TTC7B: variants seen among roughly 807,000 people sequenced by gnomAD.
The protein encoded by TTC7B is tetratricopeptide repeat domain 7B.
A neutral mutation model predicts 106.8 loss-of-function variants in TTC7B; 28 were observed. The observed-to-expected ratio is 0.26, with a 90% confidence interval of 0.19 to 0.36. TTC7B has a LOEUF of 0.36. Ranked by LOEUF, TTC7B falls within the 10% of genes least tolerant of loss-of-function variation. The pLI, the probability that TTC7B is intolerant of heterozygous loss-of-function variation, is 1.00. For synonymous variants in TTC7B, 405 were observed against 430.6 expected (o/e 0.94, Z 0.74); for missense variants, 862 against 1,076.4 (o/e 0.80, Z 2.79).
rs2030568271 is a variant in TTC7B at position 90,805,767 on chromosome 14, G to A, written c.121+10408C>T. Among the ~76,000 whole-genome samples the A allele has an allele frequency of 6.6e-6, 1 of 152,176 alleles. No individual in the cohort carries two copies. Among genetic ancestry groups the A allele is most frequent in the Non-Finnish European group, 1.5e-5 (1 of 68,030 alleles). ...GAGACTCTCATCAAAGAGATATGGG[G>A]AATTAGCCGCCCTGCAGGGGGTCCG... On this transcript the variant is annotated intron_variant, in intron 1 of 19. Coordinates refer to ENST00000328459, the MANE Select transcript of TTC7B (RefSeq NM_001010854.2). This position sits in a 1 kb window ranked among gnomAD's most constrained non-coding sequence, Gnocchi z 4.0.
chr14:90,773,495 G>A lies in TTC7B; in HGVS notation c.445+7243C>T, dbSNP rs138984780. Reference sequence around the variant, plus strand: ...TGAAAAGCAGCCTCTTAACCCCTCCGCAGGGAACGATAATACTAGGGTCCG... The same window carrying A: ...TGAAAAGCAGCCTCTTAACCCCTCCACAGGGAACGATAATACTAGGGTCCG... On this transcript the variant is annotated intron_variant, in intron 3 of 19. Transcript: ENST00000328459. 1.0e-3 allele frequency among the ~76,000 whole-genome samples: 152 copies of A among 152,178 alleles called. 1 individual carries two copies. Among genetic ancestry groups the A allele is most frequent in the African/African-American group, 3.3e-3 (136 of 41,506 alleles).
intron 7 of TTC7B, among the ~76,000 whole-genome samples, chr14:90,681,913 G>C (rs1285774775): frequency 3.3e-5 from 5 of 151,998 alleles, no homozygotes; most frequent in Admixed American, 6.5e-5. Context: ...GCATGTACAT[G>C]CACACTCGTG....
chr14:90,531,397 CTG>C lies in TTC7B; in HGVS notation c.*9969_*9970del, dbSNP rs1889279297. 6.6e-6 allele frequency: 1 copy of C among 151,820 alleles called. No individual in the cohort carries two copies. The highest frequency in any genetic ancestry group is 2.1e-4 in the South Asian group (1 of 4,810). The allele number at this position is 151,820 out of a possible 1,614,324, so 9.4% of individuals were successfully genotyped here. On this transcript the variant is annotated 3_prime_UTR_variant, in exon 20 of 20. Transcript: ENST00000328459. ...CCAGCCTGACCTACATGGTGAAACT[CTG>C]TCTCTACTAAGCACAAAAAATCAAA...
chr14:90,655,870 A>T (rs745468), intron 11 of TTC7B, among the ~76,000 whole-genome samples: 116,324 of 151,164 alleles, frequency 0.77, 44,923 homozygotes, highest in South Asian at 0.81. Context: ...TATTTTTTTT[A>T]AAAAAAAGAG....
intron 19 of TTC7B, among the ~76,000 whole-genome samples, chr14:90,565,354 C>T (rs1162013404): frequency 6.6e-6 from 1 of 150,598 alleles, no homozygotes; most frequent in African/African-American, 2.4e-5. Context: ...TCTGGCCTGT[C>T]TCAGCTTTTG....
chr14:90,707,467 G>A (rs1214349458), intron 5 of TTC7B, among the ~76,000 whole-genome samples: 1 of 152,206 alleles, frequency 6.6e-6, no homozygotes, highest in East Asian at 1.9e-4. Flanking sequence ...AAATAATTAA[G>A]ATTAGTGAGG....
At chr14:90,789,662 C>T (rs1418202405) in intron 1 of TTC7B, among the ~76,000 whole-genome samples, 1 of 151,756 alleles carries the variant, frequency 6.6e-6, no homozygotes, top group Non-Finnish European at 1.5e-5. Flanking sequence ...TTTAGGAGGC[C>T]AGGGCAGGTG....
At chr14:90,593,177 C>T (rs189576729) in intron 18 of TTC7B, among the ~76,000 whole-genome samples, 154 of 152,358 alleles carry the variant, frequency 1.0e-3, no homozygotes, top group African/African-American at 3.6e-3. Context: ...GTCTCTACAG[C>T]ACAGACCCTG....
chr14:90,627,652 T>G (rs778368078), intron 15 of TTC7B, among the ~76,000 whole-genome samples: 1 of 152,200 alleles, frequency 6.6e-6, no homozygotes, highest in Non-Finnish European at 1.5e-5. Flanking sequence ...CTCTTCTTTA[T>G]GACAGGCAGG....
rs941667126 is a variant in TTC7B, at chr14:90,742,803, A to G, written c.576+1989T>C. ...ACTGAATGGGGTGTTGTGAGTGAAC[A>G]TAACAGAAGTGTATTCAGATCTACC... On this transcript the variant is annotated intron_variant, in intron 4 of 19. Transcript: ENST00000328459. This position sits in a 1 kb window ranked among gnomAD's most constrained non-coding sequence, Gnocchi z 4.1. Among the ~76,000 whole-genome samples the G allele has an allele frequency of 3.3e-5, 5 of 152,238 alleles. No individual in the cohort carries two copies. The highest frequency in any genetic ancestry group is 4.8e-5 in the African/African-American group (2 of 41,464).
chr14:90,684,382 C>T (rs1285140789), intron 7 of TTC7B, among the ~76,000 whole-genome samples: 1 of 151,958 alleles, frequency 6.6e-6, no homozygotes, highest in Non-Finnish European at 1.5e-5. Context: ...TATATATATA[C>T]ACATTAAGAA....
chr14:90,566,252 G>A (rs1051505845), intron 19 of TTC7B, among the ~76,000 whole-genome samples: 1 of 151,974 alleles, frequency 6.6e-6, no homozygotes, highest in Non-Finnish European at 1.5e-5. Flanking sequence ...GCTGAGGCAG[G>A]AGAATCGCTT....
chr14:90,688,601 GA>G (rs1887339107), intron 7 of TTC7B, among the ~76,000 whole-genome samples: 1 of 121,346 alleles, frequency 8.2e-6, no homozygotes, highest in African/African-American at 3.3e-5. Flanking sequence ...CCAGCCTGGT[GA>G]CAGAGAGAGG....
At chr14:90,677,669 G>A (rs922168337) in intron 8 of TTC7B, among the ~76,000 whole-genome samples, 1 of 152,144 alleles carries the variant, frequency 6.6e-6, no homozygotes, top group African/African-American at 2.4e-5. Flanking sequence ...ATGAGGTTCC[G>A]GGGTCACTTG....
intron 15 of TTC7B, among the ~76,000 whole-genome samples, chr14:90,623,294 C>T (rs895853112): frequency 2.6e-5 from 4 of 152,110 alleles, no homozygotes; most frequent in Admixed American, 6.5e-5. Flanking sequence ...AGATTCTTAA[C>T]GACAACCCTG....
At chr14:90,607,628 A>G (rs1034616914) in intron 17 of TTC7B, among the ~76,000 whole-genome samples, 2 of 152,202 alleles carry the variant, frequency 1.3e-5, no homozygotes, top group African/African-American at 4.8e-5. Context: ...TTAGCACATG[A>G]ACTGAAAACT....
intron 17 of TTC7B, among the ~76,000 whole-genome samples, chr14:90,601,348 T>C (rs1725700942): frequency 6.6e-6 from 1 of 152,170 alleles, no homozygotes; most frequent in Non-Finnish European, 1.5e-5. Flanking sequence ...TATACATTCT[T>C]GAGTGTTAGA....
In TTC7B at chr14:90,778,657, C is replaced by T. The variant is rs571415027; in HGVS notation, c.445+2081G>A. Among the ~76,000 whole-genome samples, 290 of 152,284 alleles carry T rather than the reference C, an allele frequency of 1.9e-3. 1 individual carries two copies. The highest frequency in any genetic ancestry group is 6.9e-3 in the African/African-American group (286 of 41,546). ...TGGGTGAACACCAGGGAGGAAAGAG[C>T]GTGGCTGTGTGGCACAGACCCCAGC... is the stretch of plus-strand genomic sequence containing the variant. On this transcript the variant is annotated intron_variant, in intron 3 of 19. Transcript: ENST00000328459.
Position 90,578,329 on chromosome 14 carries a change from C to A in TTC7B, c.2108-21G>T. ...TTCAGCTGTGAGGAGACAGCAACGG[C>A]ACATGCTTTCCTGGTGCCCCTCTGA... On this transcript the variant is annotated intron_variant, in intron 18 of 19. Transcript: ENST00000328459. This position sits in a 1 kb window ranked among gnomAD's most constrained non-coding sequence, Gnocchi z 4.7. 1 of 1,609,820 alleles carries A rather than the reference C, an allele frequency of 6.2e-7. No individual in the cohort carries two copies. The highest frequency in any genetic ancestry group is 8.5e-7 in the Non-Finnish European group (1 of 1,178,228).
Sources: allele counts gnomAD v4.1 joint callset (sites outside exome capture counted in the v4.1 genomes callset), GRCh38; gene constraint gnomAD v4.1.1; non-coding constraint Gnocchi (gnomAD v3.1); transcripts MANE v1.5; gene names NCBI Gene and HGNC (gene_info 2026-07-23, HGNC 2026-07-21).